KLHL1: variants seen among roughly 807,000 people sequenced by gnomAD.
The protein encoded by KLHL1 is kelch-like protein 1.
Under a neutral mutation model 77.7 loss-of-function variants are expected in KLHL1, and 47 were observed. The ratio of observed to expected loss-of-function variants is 0.60; its 90% CI spans 0.48 to 0.77. KLHL1 has a LOEUF of 0.77. Among genes scored for constraint, KLHL1 ranks in the 30% least tolerant of loss-of-function variants. KLHL1 has a pLI of 0.00. For missense variants in KLHL1, 925 were observed against 910.8 expected (o/e 1.02, Z -0.20); for synonymous variants, 360 against 325.2 (o/e 1.11, Z -1.15).
chr13:69,917,622 TCACA>T (rs1336939686), intron 4 of KLHL1, among the ~76,000 whole-genome samples: 2 of 152,006 alleles, frequency 1.3e-5, no homozygotes, highest in Non-Finnish European at 1.5e-5. Flanking sequence ...AAATTACAAC[TCACA>T]CACAAACACA....
intron 4 of KLHL1, among the ~76,000 whole-genome samples, chr13:69,889,293 AACACT>A (rs147096816): frequency 0.034 from 5,115 of 152,090 alleles, 119 homozygotes; most frequent in Non-Finnish European, 0.051. Context: ...TGAACTGTTG[AACACT>A]ACCTTAGAAT....
chr13:69,957,522 G>T (rs1883929664), intron 3 of KLHL1, among the ~76,000 whole-genome samples: 1 of 151,686 alleles, frequency 6.6e-6, no homozygotes, highest in Non-Finnish European at 1.5e-5. Flanking sequence ...TCCATTGTAA[G>T]CTAAGGAGCA....
At chr13:69,735,257 A>T (rs1369361777) in intron 8 of KLHL1, among the ~76,000 whole-genome samples, 2 of 151,680 alleles carry the variant, frequency 1.3e-5, no homozygotes, top group African/African-American at 4.8e-5. Context: ...TATGTATCTC[A>T]AATAACAACT....
At chr13:70,037,566 A>G (rs1269048775) in intron 1 of KLHL1, among the ~76,000 whole-genome samples, 2 of 152,026 alleles carry the variant, frequency 1.3e-5, no homozygotes, top group African/African-American at 4.8e-5. Context: ...ATTTCTAAAT[A>G]ACTTTTACCT....
chr13:69,819,309 A>G (rs1442524959), intron 6 of KLHL1, among the ~76,000 whole-genome samples: 1 of 152,250 alleles, frequency 6.6e-6, no homozygotes, highest in Non-Finnish European at 1.5e-5. Flanking sequence ...TTACTAATTT[A>G]AATTATATGA....
chr13:69,890,079 A>G (rs998820324), intron 4 of KLHL1, among the ~76,000 whole-genome samples: 1 of 152,102 alleles, frequency 6.6e-6, no homozygotes, highest in African/African-American at 2.4e-5. Flanking sequence ...TCTGGCCTTA[A>G]GAATTTTACT....
intron 1 of KLHL1, among the ~76,000 whole-genome samples, chr13:70,084,511 T>G (rs1593730927): frequency 7.6e-6 from 1 of 130,816 alleles, no homozygotes; most frequent in Non-Finnish European, 1.6e-5. Context: ...CAGGCTGGAG[T>G]GCAGTGGCGT....
intron 1 of KLHL1, among the ~76,000 whole-genome samples, chr13:70,095,611 A>C (rs768280949): frequency 6.6e-6 from 1 of 152,186 alleles, no homozygotes; most frequent in Non-Finnish European, 1.5e-5. Flanking sequence ...ACAAGCATAT[A>C]ATATGTAATG....
intron 6 of KLHL1, among the ~76,000 whole-genome samples, chr13:69,804,173 C>T (rs984732399): frequency 1.3e-5 from 2 of 152,118 alleles, no homozygotes; most frequent in Admixed American, 6.5e-5. Flanking sequence ...AAACTACTTT[C>T]CTCATGACAA....
At chr13:69,715,791 T>C (rs1264039905) in intron 9 of KLHL1, among the ~76,000 whole-genome samples, 1 of 151,904 alleles carries the variant, frequency 6.6e-6, no homozygotes, top group African/African-American at 2.4e-5. Flanking sequence ...AGCAATAATA[T>C]ATCGAATGAG....
At chr13:69,930,293 C>T (rs1882958814) in intron 4 of KLHL1, among the ~76,000 whole-genome samples, 1 of 151,766 alleles carries the variant, frequency 6.6e-6, no homozygotes, top group Non-Finnish European at 1.5e-5. Flanking sequence ...CAAGTGAATT[C>T]ATCAAGGTAT....
chr13:70,044,945 T>C (rs959021427), intron 1 of KLHL1, among the ~76,000 whole-genome samples: 3 of 152,154 alleles, frequency 2.0e-5, no homozygotes, highest in Middle Eastern at 3.2e-3. Flanking sequence ...CAGAATAACC[T>C]TGGGAAAGTC....
chr13:69,907,453 TA>T (rs1268329937), intron 4 of KLHL1, among the ~76,000 whole-genome samples: 2 of 152,008 alleles, frequency 1.3e-5, no homozygotes, highest in Admixed American at 6.6e-5. Flanking sequence ...ATTTATATAT[TA>T]CTTATAATTA....
intron 5 of KLHL1, among the ~76,000 whole-genome samples, chr13:69,868,052 T>A (rs928351037): frequency 9.2e-5 from 14 of 152,062 alleles, no homozygotes; most frequent in African/African-American, 3.4e-4. Context: ...TTTAAATAAT[T>A]TTGGAAAAAA....
rs190001177 is a variant in KLHL1 at position 69,761,989 on chromosome 13, A to G, written c.1640-21433T>C. Among the ~76,000 whole-genome samples, 3 of 152,288 alleles carry G rather than the reference A, an allele frequency of 2.0e-5. No homozygotes were observed. The East Asian group carries it at 5.8e-4, about 29-fold the overall frequency. On this transcript the variant is annotated intron_variant, in intron 7 of 10. Transcript: ENST00000377844. The stretch of plus-strand genomic sequence containing the variant: ...TAATCACAACTTCAAGTATATTTCT[A>G]TTACCATTTGATCGTTTAGACAGAT...
intron 7 of KLHL1, among the ~76,000 whole-genome samples, chr13:69,794,138 A>C (rs1593838362): frequency 6.6e-6 from 1 of 152,292 alleles, no homozygotes; most frequent in East Asian, 1.9e-4. Context: ...TCCACAGATA[A>C]GAAAGAAAAT....
At chr13:70,012,087 C>T (rs1384218312) in intron 1 of KLHL1, among the ~76,000 whole-genome samples, 1 of 152,054 alleles carries the variant, frequency 6.6e-6, no homozygotes, top group Non-Finnish European at 1.5e-5. Flanking sequence ...AGACCCACCC[C>T]CATGATTCCA....
intron 4 of KLHL1, among the ~76,000 whole-genome samples, chr13:69,892,059 A>G (rs965096636): frequency 1.3e-5 from 2 of 152,196 alleles, no homozygotes; most frequent in Non-Finnish European, 1.5e-5. Context: ...TATAATTAGT[A>G]ATATTAGGTA....
intron 5 of KLHL1, among the ~76,000 whole-genome samples, chr13:69,839,469 A>G (rs1051973604): frequency 9.2e-5 from 14 of 151,980 alleles, no homozygotes; most frequent in Non-Finnish European, 1.3e-4. Flanking sequence ...AAAATCAAGT[A>G]TAGTTACTTG....
Sources: allele counts gnomAD v4.1 joint callset (sites outside exome capture counted in the v4.1 genomes callset), GRCh38; gene constraint gnomAD v4.1.1; transcripts MANE v1.5; gene names NCBI Gene and HGNC (gene_info 2026-07-23, HGNC 2026-07-21).